LPAR3: variants seen among roughly 807,000 people sequenced by gnomAD.
The protein encoded by LPAR3 is lysophosphatidic acid receptor 3.
LPAR3 carries 7 observed loss-of-function variants against 17.8 expected under a neutral mutation model. The observed-to-expected ratio is 0.39, with a 90% CI of 0.22 to 0.74. The LOEUF is 0.74. Among genes scored for constraint, LPAR3 ranks in the 30% least tolerant of loss-of-function variants. The probability of loss-of-function intolerance (pLI) is 0.40; values close to 1 mark genes in which losing one functional copy is unlikely to be tolerated. For missense variants in LPAR3, 391 were observed against 453.4 expected (o/e 0.86, Z 1.25); for synonymous variants, 179 against 179.9 (o/e 0.99, Z 0.04).
rs976979168 is a variant in LPAR3 at position 84,857,676 on chromosome 1, A to G, written c.736+7709T>C. Among the ~76,000 whole-genome samples the G allele has an allele frequency of 2.0e-5, 3 of 152,224 alleles. No individual in the cohort carries two copies. In the East Asian group the frequency reaches 5.8e-4, roughly 29 times the overall value. Reference sequence around the variant, plus strand: ...ATAGAAACCAAGGGAGATACAAGTTATAAACTTCATGACTTGGGTCCAATC... The same window carrying G: ...ATAGAAACCAAGGGAGATACAAGTTGTAAACTTCATGACTTGGGTCCAATC... On this transcript the variant is annotated intron_variant, in intron 2 of 2. Coordinates refer to ENST00000370611, the MANE Select transcript of LPAR3 (RefSeq NM_012152.3).
At chr1:84,858,767 A>C (rs1659878318) in intron 2 of LPAR3, among the ~76,000 whole-genome samples, 1 of 152,236 alleles carries the variant, frequency 6.6e-6, no homozygotes, top group Non-Finnish European at 1.5e-5. Flanking sequence ...AATAAGGTAC[A>C]GTCCCTGACT....
intron 2 of LPAR3, among the ~76,000 whole-genome samples, chr1:84,829,513 C>T (rs1346917282): frequency 6.6e-6 from 1 of 151,884 alleles, no homozygotes; most frequent in African/African-American, 2.4e-5. Flanking sequence ...GATCCTTCTG[C>T]TAGGAAGGAA....
chr1:84,834,134 A>G (rs990792434), intron 2 of LPAR3, among the ~76,000 whole-genome samples: 7 of 152,180 alleles, frequency 4.6e-5, no homozygotes, highest in Non-Finnish European at 8.8e-5. Flanking sequence ...CATGCTGCAA[A>G]TATTTTTTAA....
chr1:84,866,291 G>T (rs908295628), intron 1 of LPAR3, 153 bp from the exon 2 acceptor site: 5 of 624,582 alleles, frequency 8.0e-6, no homozygotes, highest in Non-Finnish European at 1.4e-5. Flanking sequence ...TTTGGTCCAG[G>T]ACATAGCCCC....
intron 1 of LPAR3, among the ~76,000 whole-genome samples, chr1:84,867,505 T>C (rs1265637201): frequency 2.0e-5 from 3 of 152,150 alleles, no homozygotes; most frequent in Non-Finnish European, 4.4e-5. Context: ...GAAGACCAGA[T>C]AACTATTAAG....
chr1:84,881,176 C>T (rs369178866), intron 1 of LPAR3, among the ~76,000 whole-genome samples: 5 of 151,894 alleles, frequency 3.3e-5, no homozygotes, highest in African/African-American at 9.7e-5. Context: ...GTCACCTGCA[C>T]GCTGAAGGAA....
rs527563432 is a variant in LPAR3 at position 84,840,695 on chromosome 1, T to A, written c.736+24690A>T. 3.9e-5 allele frequency among the ~76,000 whole-genome samples: 6 copies of A among 152,326 alleles called. No individual in the cohort carries two copies. The South Asian group carries it at 1.0e-3, about 26-fold the overall frequency. ...TTTCTGAACAATTTAGTCATTGACA[T>A]TGAAAAAAAACTGCATCCTCAGACT... is the stretch of plus-strand genomic sequence containing the variant. On this transcript the variant is annotated intron_variant, in intron 2 of 2. Transcript: ENST00000370611.
chr1:84,820,468 G>A (rs142043474), intron 2 of LPAR3, among the ~76,000 whole-genome samples: 28 of 152,314 alleles, frequency 1.8e-4, no homozygotes, highest in Non-Finnish European at 3.8e-4. Context: ...TTGAGCTGGT[G>A]CTGAAGGGCA....
At chr1:84,859,186 T>C (rs898506267) in intron 2 of LPAR3, among the ~76,000 whole-genome samples, 8 of 152,216 alleles carry the variant, frequency 5.3e-5, no homozygotes, top group Non-Finnish European at 1.0e-4. Flanking sequence ...AGAAACATCA[T>C]GTGTGATTAT....
chr1:84,848,374 G>A (rs137873243), intron 2 of LPAR3, among the ~76,000 whole-genome samples: 19 of 152,274 alleles, frequency 1.2e-4, no homozygotes, highest in African/African-American at 4.1e-4. Flanking sequence ...TCCAGTGGTC[G>A]GTTCTTAGCA....
intron 2 of LPAR3, among the ~76,000 whole-genome samples, chr1:84,849,716 G>A (rs916585252): frequency 1.1e-4 from 17 of 152,168 alleles, no homozygotes; most frequent in Non-Finnish European, 5.9e-5. Context: ...TGGTGATAAG[G>A]AGTCTCACCC....
At chr1:84,869,964 A>G (rs1660128188) in intron 1 of LPAR3, among the ~76,000 whole-genome samples, 1 of 152,184 alleles carries the variant, frequency 6.6e-6, no homozygotes. Flanking sequence ...GCTTTCACCA[A>G]TTCTCCTATA....
At chr1:84,847,299 T>C (rs185976690) in intron 2 of LPAR3, among the ~76,000 whole-genome samples, 3 of 152,336 alleles carry the variant, frequency 2.0e-5, no homozygotes, top group South Asian at 2.1e-4. Flanking sequence ...AATACCTCAG[T>C]TGTTTCTTCA....
intron 2 of LPAR3, among the ~76,000 whole-genome samples, chr1:84,848,434 G>A (rs1184142105): frequency 6.6e-6 from 1 of 152,178 alleles, no homozygotes; most frequent in Non-Finnish European, 1.5e-5. Context: ...AGGAGGCCCT[G>A]TGTGATCCCT....
At chr1:84,873,940 A>G (rs1380773970) in intron 1 of LPAR3, among the ~76,000 whole-genome samples, 1 of 151,928 alleles carries the variant, frequency 6.6e-6, no homozygotes, top group African/African-American at 2.4e-5. Context: ...ATTAGTAGAG[A>G]CGGGGTTTCA....
rs1179453235 is a variant in LPAR3 at position 84,860,408 on chromosome 1, G to A, written c.736+4977C>T. 2.0e-5 allele frequency among the ~76,000 whole-genome samples: 3 copies of A among 152,156 alleles called. No individual in the cohort carries two copies. The East Asian group carries it at 5.8e-4, about 29-fold the overall frequency. ...ACCACAGCAAGTATTTGTACTCTGT[G>A]GGGCCTTCCTCATGGTAATGCACAA... On this transcript the variant is annotated intron_variant, in intron 2 of 2. Transcript: ENST00000370611.
intron 1 of LPAR3, among the ~76,000 whole-genome samples, chr1:84,873,758 GT>G (rs5775802): frequency 3.2e-4 from 45 of 141,450 alleles, no homozygotes; most frequent in East Asian, 4.0e-4. Flanking sequence ...TTGCTTGTTT[GT>G]TTTTTTTTTT....
chr1:84,831,697 A>T (rs1488249249), intron 2 of LPAR3, among the ~76,000 whole-genome samples: 5 of 151,688 alleles, frequency 3.3e-5, no homozygotes, highest in Non-Finnish European at 7.4e-5. Context: ...GATGTATCCA[A>T]ATGTGGAAAC....
chr1:84,892,459 A>AG (rs1182273732), intron 1 of LPAR3, among the ~76,000 whole-genome samples: 1 of 152,144 alleles, frequency 6.6e-6, no homozygotes, highest in Non-Finnish European at 1.5e-5. Context: ...CGTGGTGGTG[A>AG]GGGGGCATAC....
Sources: gnomAD v4.1 joint callset for allele counts (sites outside exome capture counted in the v4.1 genomes callset) on GRCh38, gnomAD v4.1.1 for gene constraint, MANE v1.5 for transcripts, NCBI Gene and HGNC (gene_info 2026-07-23, HGNC 2026-07-21) for gene names.